CD160: variants seen among roughly 807,000 people sequenced by gnomAD.
The protein encoded by CD160 is CD160 molecule, also known as CD160 antigen.
Under a neutral mutation model 19.2 loss-of-function variants are expected in CD160, and 11 were observed. The ratio of observed to expected loss-of-function variants is 0.57; its 90% CI spans 0.36 to 0.95. The LOEUF is 0.95. Ranked by LOEUF, CD160 falls within the 40% of genes least tolerant of loss-of-function variation. CD160 has a pLI of 0.01. For missense variants in CD160, 182 were observed against 213.2 expected (o/e 0.85, Z 0.91); for synonymous variants, 75 against 81.1 (o/e 0.93, Z 0.40).
chr1:145,721,293 T>TAGG (rs1656835818), intron 1 of CD160, among the ~76,000 whole-genome samples: 2 of 152,096 alleles, frequency 1.3e-5, no homozygotes, highest in Non-Finnish European at 2.9e-5. Flanking sequence ...GCGGGGCAGG[T>TAGG]AGGGGGTCAC....
chr1:145,737,751 C>A (rs1465708408), intron 5 of CD160: 209 of 120,668 alleles, frequency 1.7e-3, no homozygotes, highest in Admixed American at 2.2e-3. Flanking sequence ...CATCCTAGAG[C>A]AAAAAAAAAA....
At chr1:145,726,158 A>G (rs1434924324) in intron 2 of CD160, among the ~76,000 whole-genome samples, 1 of 152,196 alleles carries the variant, frequency 6.6e-6, no homozygotes, top group Non-Finnish European at 1.5e-5. Flanking sequence ...TAGTTCAACC[A>G]CTGTGGAAGA....
chr1:145,730,878 C>A lies in CD160; in HGVS notation c.208C>A (p.Pro70Thr), dbSNP rs935593200. 3 of 1,614,014 alleles carry A rather than the reference C, an allele frequency of 1.9e-6. No homozygotes were observed. In the African/African-American group the frequency reaches 4.0e-5, roughly 22 times the overall value. ...LCKDRSGDCS[P>T]ETSLKQLRLK... ...CAAGGACAGGTCTGGAGACTGTTCT[C>A]CTGAGACCAGTTTAAAACAGCTGAG... The change falls in exon 4 of 6, where the codon CCT (proline) becomes ACT (threonine). Residue 70 changes from proline to threonine, a missense_variant. Pro to Thr is a conservative substitution (Grantham distance 38). Coordinates refer to ENST00000369288, the MANE Select transcript of CD160 (RefSeq NM_007053.4).
chr1:145,719,923 G>T (rs1474186126), intron 1 of CD160, among the ~76,000 whole-genome samples: 34 of 152,334 alleles, frequency 2.2e-4, no homozygotes, highest in African/African-American at 8.2e-4. Context: ...GGCACCTCCG[G>T]GGGAAGTTCA....
At chr1:145,733,743 C>T (rs1162715032) in intron 4 of CD160, among the ~76,000 whole-genome samples, 2 of 152,076 alleles carry the variant, frequency 1.3e-5, no homozygotes, top group Non-Finnish European at 2.9e-5. Flanking sequence ...CTTTTGTCTT[C>T]TCTATTTCCT....
chr1:145,727,129 C>G (rs1657080147), intron 2 of CD160, among the ~76,000 whole-genome samples: 1 of 152,064 alleles, frequency 6.6e-6, no homozygotes, highest in African/African-American at 2.4e-5. Context: ...AAGTTATAAA[C>G]TACAAAACCT....
At chr1:145,723,645 G>A (rs587728400) in intron 1 of CD160, among the ~76,000 whole-genome samples, 8 of 152,106 alleles carry the variant, frequency 5.3e-5, no homozygotes, top group South Asian at 4.2e-4. Context: ...GTGCAGTGGC[G>A]TGATCTTGGC....
chr1:145,723,525 G>A (rs1656931720), intron 1 of CD160, among the ~76,000 whole-genome samples: 1 of 151,988 alleles, frequency 6.6e-6, no homozygotes, highest in South Asian at 2.1e-4. Context: ...ATTCTATTCT[G>A]TGGATCTGCA....
intron 3 of CD160, 26 bp downstream of exon 3, chr1:145,728,426 C>T (rs1657142682): frequency 6.7e-7 from 1 of 1,500,758 alleles, no homozygotes; most frequent in African/African-American, 1.4e-5. Context: ...AGAGCAGAGA[C>T]GGCCATGGGG....
intron 3 of CD160, among the ~76,000 whole-genome samples, chr1:145,729,049 C>T (rs1421947691): frequency 6.6e-6 from 1 of 152,130 alleles, no homozygotes; most frequent in Non-Finnish European, 1.5e-5. Flanking sequence ...AAGAGTAATA[C>T]CTGCCCTCTA....
intron 3 of CD160, 62 bp downstream of exon 3, chr1:145,728,462 T>C: frequency 9.9e-7 from 1 of 1,009,036 alleles, no homozygotes; most frequent in Non-Finnish European, 1.5e-6. Context: ...TGGGAAGGGC[T>C]GGATCCCGTG....
intron 5 of CD160, 61 bp downstream of exon 5, chr1:145,736,195 C>T (rs1553710145): frequency 6.2e-7 from 1 of 1,610,824 alleles, no homozygotes; most frequent in South Asian, 1.1e-5. Flanking sequence ...TTTCTGCCAC[C>T]TTGGTTATTC....
At chr1:145,733,328 G>A (rs782734615) in intron 4 of CD160, among the ~76,000 whole-genome samples, 2 of 151,998 alleles carry the variant, frequency 1.3e-5, no homozygotes, top group South Asian at 2.1e-4. Flanking sequence ...TAGTTGAGAC[G>A]GGGTTTTGCC....
chr1:145,723,395 TCTGA>T (rs1364971885), intron 1 of CD160, among the ~76,000 whole-genome samples: 5 of 152,190 alleles, frequency 3.3e-5, no homozygotes, highest in Non-Finnish European at 5.9e-5. Flanking sequence ...TACCATATTT[TCTGA>T]CTAATAATTA....
intron 3 of CD160, 97 bp from the exon 4 acceptor site, chr1:145,730,647 A>G: frequency 2.1e-6 from 2 of 941,406 alleles, no homozygotes; most frequent in South Asian, 1.6e-5. Context: ...GTTCTGCTTC[A>G]GTCCTTCCTT....
intron 3 of CD160, among the ~76,000 whole-genome samples, chr1:145,729,269 T>G (rs587757681): frequency 6.6e-6 from 1 of 152,208 alleles, no homozygotes. Context: ...AGCCTCCATC[T>G]CTGCCTCTTC....
At chr1:145,722,871 G>A (rs987918723) in intron 1 of CD160, among the ~76,000 whole-genome samples, 6 of 152,162 alleles carry the variant, frequency 3.9e-5, no homozygotes, top group Non-Finnish European at 5.9e-5. Flanking sequence ...TGGGATTACA[G>A]GCGTGAGACA....
chr1:145,729,385 G>A (rs1657193041), intron 3 of CD160, among the ~76,000 whole-genome samples: 1 of 152,202 alleles, frequency 6.6e-6, no homozygotes, highest in African/African-American at 2.4e-5. Context: ...GGGGGAGGGG[G>A]CTGGCAGCCT....
At chr1:145,732,666 A>C (rs1553709556) in intron 4 of CD160, among the ~76,000 whole-genome samples, 1 of 152,210 alleles carries the variant, frequency 6.6e-6, no homozygotes, top group East Asian at 1.9e-4. Flanking sequence ...CCCAATAAAA[A>C]GATTAAAGAA....
Sources: allele counts gnomAD v4.1 joint callset (sites outside exome capture counted in the v4.1 genomes callset), GRCh38; gene constraint gnomAD v4.1.1; transcripts MANE v1.5; gene names NCBI Gene and HGNC (gene_info 2026-07-23, HGNC 2026-07-21).